The following MMP16 variants were observed in gnomAD, a reference collection of about 807,000 sequenced individuals.
MMP16 encodes matrix metallopeptidase 16, also known as matrix metalloproteinase-16.
Under a neutral mutation model 67.8 loss-of-function variants are expected in MMP16, and 12 were observed. The ratio of observed to expected loss-of-function variants is 0.18; its 90% CI spans 0.11 to 0.29. MMP16 has a LOEUF of 0.29. MMP16 is among the 10% of genes least tolerant of loss of function. MMP16 has a pLI of 1.00. For missense variants in MMP16, 475 were observed against 765.7 expected, an observed-to-expected ratio of 0.62 and a Z score of 4.48; for synonymous variants, 249 against 255.9, an observed-to-expected ratio of 0.97 and a Z score of 0.26.
At chr8:88,184,563 GAAAAAAAA>G (rs59310737) in intron 3 of MMP16, among the ~76,000 whole-genome samples, 1 of 10,930 alleles carries the variant, frequency 9.1e-5, no homozygotes, top group South Asian at 0.013. Context: ...CTCTCTCTCT[GAAAAAAAA>G]AAAAAAAAAA....
intron 1 of MMP16, among the ~76,000 whole-genome samples, chr8:88,272,354 A>T (rs971557221): frequency 6.6e-6 from 1 of 152,194 alleles, no homozygotes; most frequent in Middle Eastern, 3.2e-3. Context: ...GAAAAATAGC[A>T]AAGAATATAT....
chr8:88,124,575 T>G (rs562069999), intron 4 of MMP16, among the ~76,000 whole-genome samples: 1 of 151,962 alleles, frequency 6.6e-6, no homozygotes, highest in Non-Finnish European at 1.5e-5. Flanking sequence ...TAGGAGACGA[T>G]GGCCACCCTG....
At chr8:88,062,289 C>T (rs1808409220) in intron 7 of MMP16, among the ~76,000 whole-genome samples, 1 of 152,020 alleles carries the variant, frequency 6.6e-6, no homozygotes, top group African/African-American at 2.4e-5. Context: ...CCATTTGACC[C>T]AGCCATCCCA....
chr8:88,130,728 G>A (rs913808136), intron 4 of MMP16, among the ~76,000 whole-genome samples: 2 of 151,052 alleles, frequency 1.3e-5, no homozygotes, highest in Admixed American at 1.3e-4. Flanking sequence ...TGACTTGGAT[G>A]GGAACCATAA....
rs557819634 is a variant in MMP16, at chr8:88,159,570, T to C, written c.709+8099A>G. Among the ~76,000 whole-genome samples the C allele has an allele frequency of 3.3e-5, 5 of 152,162 alleles. No homozygotes were observed. The South Asian group carries it at 8.3e-4, about 25-fold the overall frequency. On this transcript the variant is annotated intron_variant, in intron 4 of 9. Coordinates refer to ENST00000286614, the MANE Select transcript of MMP16 (RefSeq NM_005941.5). ...GGTTTCTAAATATACAATCATGTCATTTGCAAACAGGGACAATTTGACTTC... is the reference window on the plus strand; with the variant it reads ...GGTTTCTAAATATACAATCATGTCACTTGCAAACAGGGACAATTTGACTTC...
chr8:88,072,525 C>T (rs541745469), intron 7 of MMP16, among the ~76,000 whole-genome samples: 1 of 152,142 alleles, frequency 6.6e-6, no homozygotes, highest in South Asian at 2.1e-4. Flanking sequence ...GTAGGCATTT[C>T]CTGAGGTTGA....
At chr8:88,139,182 C>G (rs1008779194) in intron 4 of MMP16, among the ~76,000 whole-genome samples, 5 of 151,846 alleles carry the variant, frequency 3.3e-5, no homozygotes, top group Non-Finnish European at 4.4e-5. Context: ...TCATAATAAG[C>G]ACATCTTCCA....
At chr8:88,298,710 G>A (rs1014411170) in intron 1 of MMP16, among the ~76,000 whole-genome samples, 1 of 152,116 alleles carries the variant, frequency 6.6e-6, no homozygotes, top group South Asian at 2.1e-4. Flanking sequence ...GACCGCAGGA[G>A]GTGATGAATA....
intron 1 of MMP16, among the ~76,000 whole-genome samples, chr8:88,321,632 T>C (rs1811461559): frequency 6.6e-6 from 1 of 152,162 alleles, no homozygotes; most frequent in South Asian, 2.1e-4. Flanking sequence ...TGACATTTAT[T>C]TCAGAAAAAA....
intron 1 of MMP16, among the ~76,000 whole-genome samples, chr8:88,214,663 G>A (rs533645414): frequency 6.6e-6 from 1 of 152,052 alleles, no homozygotes; most frequent in Non-Finnish European, 1.5e-5. Context: ...TTTACTCTCT[G>A]AGCAATTTCC....
intron 1 of MMP16, among the ~76,000 whole-genome samples, chr8:88,283,570 ACTCT>A (rs1810775944): frequency 6.6e-6 from 1 of 151,846 alleles, no homozygotes; most frequent in African/African-American, 2.4e-5. Context: ...GCACCTCCCC[ACTCT>A]CTCTATTTAT....
intron 1 of MMP16, among the ~76,000 whole-genome samples, chr8:88,324,037 A>G (rs937968012): frequency 1.3e-4 from 20 of 152,164 alleles, no homozygotes; most frequent in East Asian, 1.9e-4. Flanking sequence ...AAGGGATCCA[A>G]TGATATATGG....
intron 1 of MMP16, among the ~76,000 whole-genome samples, chr8:88,290,984 CAAAT>C (rs2130018120): frequency 6.6e-6 from 1 of 152,084 alleles, no homozygotes; most frequent in East Asian, 1.9e-4. Flanking sequence ...CATTTGATGT[CAAAT>C]AAAAAATAAG....
chr8:88,252,646 CAAAA>C (rs10715771), intron 1 of MMP16, among the ~76,000 whole-genome samples: 5 of 128,106 alleles, frequency 3.9e-5, no homozygotes, highest in Non-Finnish European at 3.4e-5. Context: ...CACCTCTTAG[CAAAA>C]AAAAAAAAAA....
chr8:88,314,689 A>G (rs535915071), intron 1 of MMP16, among the ~76,000 whole-genome samples: 4 of 152,308 alleles, frequency 2.6e-5, no homozygotes, highest in African/African-American at 7.2e-5. Flanking sequence ...AGCTGGCACT[A>G]TTGCCAGGCC....
chr8:88,205,346 T>C (rs528306093), intron 1 of MMP16, among the ~76,000 whole-genome samples: 4 of 152,008 alleles, frequency 2.6e-5, no homozygotes, highest in Non-Finnish European at 5.9e-5. Context: ...GGAGACCCTA[T>C]TCATGTTAAA....
At chr8:88,164,779 C>G (rs1435962511) in intron 4 of MMP16, among the ~76,000 whole-genome samples, 2 of 151,706 alleles carry the variant, frequency 1.3e-5, no homozygotes, top group Non-Finnish European at 2.9e-5. Flanking sequence ...TGTTACACTT[C>G]CAGAGTTGTT....
Position 88,266,413 on chromosome 8 carries a change from C to G in MMP16, c.132+60662G>C, listed in dbSNP as rs141628679. ...GGTTCAATAACATTTTATGAAATAACAGTGTCATTGGTGGTTTTGGAGATT... is the reference window on the plus strand; with the variant it reads ...GGTTCAATAACATTTTATGAAATAAGAGTGTCATTGGTGGTTTTGGAGATT... On this transcript the variant is annotated intron_variant, in intron 1 of 9. Coordinates refer to ENST00000286614, the MANE Select transcript of MMP16 (RefSeq NM_005941.5). 7.7e-3 allele frequency among the ~76,000 whole-genome samples: 1,174 copies of G among 152,250 alleles called. 11 individuals carry two copies. Among genetic ancestry groups the G allele is most frequent in the Middle Eastern group, 0.031 (9 of 294 alleles).
rs28991869 is a variant in MMP16 at position 88,091,995 on chromosome 8, C to A, written c.1084-17252G>T. On this transcript the variant is annotated intron_variant, in intron 6 of 9. Coordinates refer to ENST00000286614, the MANE Select transcript of MMP16 (RefSeq NM_005941.5). The stretch of plus-strand genomic sequence containing the variant: ...TCAATGTTATGATTTTTTTCTCATA[C>A]TTAAGACTCCTGTATGGCTAAGAAA... 5.4e-3 allele frequency among the ~76,000 whole-genome samples: 817 copies of A among 151,786 alleles called. 3 individuals are homozygous for A. Among genetic ancestry groups the A allele is most frequent in the African/African-American group, 0.018 (757 of 41,454 alleles).
Sources: gnomAD v4.1 joint callset for allele counts (sites outside exome capture counted in the v4.1 genomes callset) on GRCh38, gnomAD v4.1.1 for gene constraint, MANE v1.5 for transcripts, NCBI Gene and HGNC (gene_info 2026-07-23, HGNC 2026-07-21) for gene names.